ANKIB1: variants seen among roughly 807,000 people sequenced by gnomAD.
The protein encoded by ANKIB1 is ankyrin repeat and IBR domain-containing protein 1.
Under a neutral mutation model 122.1 loss-of-function variants are expected in ANKIB1, and 43 were observed. That is an observed-to-expected ratio of 0.35 (90% CI 0.28 to 0.45). ANKIB1 has a LOEUF of 0.45. Among genes scored for constraint, ANKIB1 ranks in the 20% least tolerant of loss-of-function variants. The pLI, the probability that ANKIB1 is intolerant of heterozygous loss-of-function variation, is 1.00. For synonymous variants in ANKIB1, 390 were observed against 442.0 expected, an observed-to-expected ratio of 0.88 and a Z score of 1.48; for missense variants, 992 against 1,329.5, an observed-to-expected ratio of 0.75 and a Z score of 3.95.
At chr7:92,347,762 T>C (rs1803570401) in intron 7 of ANKIB1, among the ~76,000 whole-genome samples, 1 of 152,242 alleles carries the variant, frequency 6.6e-6, no homozygotes, top group Admixed American at 6.5e-5. Flanking sequence ...TTATTAGTTG[T>C]TGATTTAGGT....
At chr7:92,339,242 C>T (rs1314899600) in intron 5 of ANKIB1, among the ~76,000 whole-genome samples, 1 of 151,482 alleles carries the variant, frequency 6.6e-6, no homozygotes, top group Non-Finnish European at 1.5e-5. Flanking sequence ...TGGGGTTTCA[C>T]TGTGTTAGCC....
chr7:92,392,202 T>C lies in ANKIB1; in HGVS notation c.2232-39T>C, dbSNP rs751549034. On this transcript the variant is annotated intron_variant, in intron 16 of 19. Coordinates refer to ENST00000265742, the MANE Select transcript of ANKIB1 (RefSeq NM_019004.2). ...ATCTGATTGTATATACTTTGTAGTA[T>C]TGATATTAAATCAAATGGTATGTCT... 5 of 1,564,060 alleles carry C rather than the reference T, an allele frequency of 3.2e-6. No homozygotes were observed. In the Admixed American group the frequency reaches 6.8e-5, roughly 21 times the overall value.
chr7:92,383,719 T>C (rs1804571634), intron 11 of ANKIB1, among the ~76,000 whole-genome samples: 1 of 152,190 alleles, frequency 6.6e-6, no homozygotes, highest in Non-Finnish European at 1.5e-5. Flanking sequence ...CTCAATAGTC[T>C]AGGTATTGAT....
chr7:92,248,013 T>C (rs1411489505), intron 1 of ANKIB1, among the ~76,000 whole-genome samples: 1 of 152,344 alleles, frequency 6.6e-6, no homozygotes, highest in African/African-American at 2.4e-5. Flanking sequence ...GGAAATGTAC[T>C]TAGCACAGAA....
intron 11 of ANKIB1, among the ~76,000 whole-genome samples, chr7:92,375,385 C>T (rs546941892): frequency 8.5e-5 from 13 of 152,294 alleles, no homozygotes; most frequent in South Asian, 4.2e-4. Flanking sequence ...CTCTCAAATC[C>T]TGTCACTGCT....
At chr7:92,355,880 T>TAATAAA (rs1249459210) in intron 9 of ANKIB1, among the ~76,000 whole-genome samples, 1 of 148,260 alleles carries the variant, frequency 6.7e-6, no homozygotes, top group African/African-American at 2.5e-5. Flanking sequence ...ATAATAATAA[T>TAATAAA]AATAATAGTA....
chr7:92,267,278 C>G, intron 1 of ANKIB1, among the ~76,000 whole-genome samples: 1 of 152,098 alleles, frequency 6.6e-6, no homozygotes, highest in African/African-American at 2.4e-5. Context: ...ATCAAGAATA[C>G]AGCTCAATAA....
chr7:92,298,208 C>G (rs936206183), intron 2 of ANKIB1, among the ~76,000 whole-genome samples: 3 of 151,958 alleles, frequency 2.0e-5, no homozygotes, highest in Non-Finnish European at 4.4e-5. Context: ...GATTACTAAT[C>G]TATTAAGGCT....
chr7:92,397,694 T>C (rs1472346209), intron 18 of ANKIB1, 29 bp from the exon 19 acceptor site: 2 of 1,605,832 alleles, frequency 1.2e-6, no homozygotes, highest in Non-Finnish European at 8.5e-7. Context: ...GTCACTAAAT[T>C]GTCTTTGGTA....
intron 11 of ANKIB1, among the ~76,000 whole-genome samples, chr7:92,373,021 TG>T (rs1320345152): frequency 6.6e-6 from 1 of 152,136 alleles, no homozygotes; most frequent in African/African-American, 2.4e-5. Context: ...TGCAAAAGAA[TG>T]GCAGTTACAA....
In ANKIB1 at chr7:92,348,417, G is replaced by T. The variant is rs554024694; in HGVS notation, c.1086-2533G>T. 4.4e-5 allele frequency among the ~76,000 whole-genome samples: 6 copies of T among 137,806 alleles called. No homozygotes were observed. The South Asian group carries it at 1.1e-3, about 26-fold the overall frequency. The allele number at this position is 137,806 out of a possible 152,430, so 90.4% of individuals were successfully genotyped here. On this transcript the variant is annotated intron_variant, in intron 7 of 19. Coordinates refer to ENST00000265742, the MANE Select transcript of ANKIB1 (RefSeq NM_019004.2). ...TTTTTTTTTTTTGAGTTGGAGTCTC[G>T]CTCCGTCACCCAGGCAGGAGTGCAG...
intron 5 of ANKIB1, among the ~76,000 whole-genome samples, chr7:92,328,937 CATATA>C (rs904761159): frequency 2.7e-5 from 4 of 147,480 alleles, no homozygotes; most frequent in Non-Finnish European, 6.0e-5. Context: ...ATATATAAAA[CATATA>C]ATATATATAT....
At chr7:92,279,918 G>A (rs895449269) in intron 1 of ANKIB1, among the ~76,000 whole-genome samples, 1 of 152,048 alleles carries the variant, frequency 6.6e-6, no homozygotes, top group Non-Finnish European at 1.5e-5. Context: ...GTGAAAAATT[G>A]TCAGCCTCTA....
At chr7:92,367,894 G>A (rs562202591) in intron 10 of ANKIB1, among the ~76,000 whole-genome samples, 16 of 152,078 alleles carry the variant, frequency 1.1e-4, no homozygotes, top group East Asian at 1.9e-4. Context: ...AGTGGTTTAC[G>A]CCTGTAATCC....
chr7:92,268,255 G>C (rs1801714816), intron 1 of ANKIB1, among the ~76,000 whole-genome samples: 1 of 152,158 alleles, frequency 6.6e-6, no homozygotes, highest in Admixed American at 6.5e-5. Flanking sequence ...ACTATGCTTT[G>C]ACTGTGGTGA....
intron 2 of ANKIB1, among the ~76,000 whole-genome samples, chr7:92,300,368 T>C (rs1488867764): frequency 6.6e-6 from 1 of 152,190 alleles, no homozygotes; most frequent in Non-Finnish European, 1.5e-5. Context: ...TTCTTTTTTC[T>C]TTTCTGGTTT....
chr7:92,386,729 C>T lies in ANKIB1; in HGVS notation c.1752+86C>T, dbSNP rs534346811. ...TTTGTATTTCTTTTTCTATTTTCAT[C>T]TTAATAAAGTATTAAATTGAATATA... On this transcript the variant is annotated intron_variant, in intron 12 of 19. Coordinates refer to ENST00000265742, the MANE Select transcript of ANKIB1 (RefSeq NM_019004.2). 41 of 1,247,612 alleles carry T rather than the reference C, an allele frequency of 3.3e-5. No individual in the cohort carries two copies. The South Asian group carries it at 9.4e-4, about 29-fold the overall frequency. The allele number at this position is 1,247,612 out of a possible 1,614,324, so 77.3% of individuals were successfully genotyped here. A position where few individuals can be genotyped will look rare whatever the true frequency, so the allele number is the denominator to read the frequency against.
intron 19 of ANKIB1, 90 bp from the exon 20 acceptor site, chr7:92,398,122 T>A: frequency 7.5e-7 from 1 of 1,327,156 alleles, no homozygotes; most frequent in Non-Finnish European, 1.0e-6. Flanking sequence ...ATTAATAATC[T>A]GTTGGTAAAG....
At chr7:92,395,404 C>T (rs745878783) in intron 17 of ANKIB1, among the ~76,000 whole-genome samples, 4 of 152,092 alleles carry the variant, frequency 2.6e-5, no homozygotes, top group Non-Finnish European at 4.4e-5. Flanking sequence ...TTAATCTAGT[C>T]ATTTGATTTG....
Sources: gnomAD v4.1 joint callset for allele counts (sites outside exome capture counted in the v4.1 genomes callset) on GRCh38, gnomAD v4.1.1 for gene constraint, MANE v1.5 for transcripts, NCBI Gene and HGNC (gene_info 2026-07-23, HGNC 2026-07-21) for gene names.